ADGRV1: variants seen among roughly 807,000 people sequenced by gnomAD.
ADGRV1 encodes the protein G-protein coupled receptor 98.
In ADGRV1, 359 loss-of-function variants were observed where a neutral mutation model predicts 596.2. The observed-to-expected ratio is 0.60, with a 90% CI of 0.55 to 0.66. The LOEUF (loss-of-function observed/expected upper bound fraction) is 0.66, where lower values mean the gene tolerates loss of function less well. Among genes scored for constraint, ADGRV1 ranks in the 30% least tolerant of loss-of-function variants. The pLI, the probability that ADGRV1 is intolerant of heterozygous loss-of-function variation, is 0.00. For synonymous variants in ADGRV1, 2,681 were observed against 2,679.2 expected, an observed-to-expected ratio of 1.00 and a Z score of -0.02; for missense variants, 7,274 against 7,575.6, an observed-to-expected ratio of 0.96 and a Z score of 1.48.
chr5:91,018,243 G>A (rs1312905169), intron 85 of ADGRV1, among the ~76,000 whole-genome samples: 2 of 151,924 alleles, frequency 1.3e-5, no homozygotes, highest in Non-Finnish European at 2.9e-5. Flanking sequence ...TTCCTAGACT[G>A]CAATTCTCCC....
chr5:90,941,247 CTAAA>C (rs1304878152), intron 83 of ADGRV1, among the ~76,000 whole-genome samples: 2 of 151,924 alleles, frequency 1.3e-5, no homozygotes, highest in Non-Finnish European at 2.9e-5. Context: ...TCCATTTGCT[CTAAA>C]TAAATAGAGA....
At chr5:90,756,715 T>C in intron 56 of ADGRV1, 85 bp downstream of exon 56, 6 of 1,135,686 alleles carry the variant, frequency 5.3e-6, no homozygotes, top group Non-Finnish European at 7.4e-6. Context: ...GCTTTGCCTG[T>C]ATTTATTTTT....
intron 1 of ADGRV1, among the ~76,000 whole-genome samples, chr5:90,563,553 A>C (rs1469170798): frequency 1.3e-5 from 2 of 152,220 alleles, no homozygotes; most frequent in Admixed American, 6.5e-5. Flanking sequence ...ATAAAATGCA[A>C]CTCCAAAAAG....
At chr5:90,853,140 A>G (rs1268062517) in intron 79 of ADGRV1, 144 bp from the exon 80 acceptor site, 1 of 727,088 alleles carries the variant, frequency 1.4e-6, no homozygotes, top group Non-Finnish European at 2.1e-6. Flanking sequence ...CTGAAGGCAC[A>G]TTCTATTTAC....
chr5:90,564,424 T>C (rs1467373103), intron 1 of ADGRV1, among the ~76,000 whole-genome samples: 3 of 152,028 alleles, frequency 2.0e-5, no homozygotes, highest in Admixed American at 2.0e-4. Flanking sequence ...TAGCTTAGAT[T>C]AAAGGTGCAG....
At chr5:90,596,249 G>A (rs1298577536) in intron 1 of ADGRV1, among the ~76,000 whole-genome samples, 7 of 150,602 alleles carry the variant, frequency 4.6e-5, no homozygotes, top group Non-Finnish European at 7.4e-5. Flanking sequence ...GGGAAGAGGC[G>A]CTCCTCACTT....
chr5:90,790,829 T>TATA (rs1483827719), intron 69 of ADGRV1, 44 bp from the exon 70 acceptor site: 1 of 1,288,148 alleles, frequency 7.8e-7, no homozygotes, highest in Non-Finnish European at 1.1e-6. Context: ...TGGTGCAATA[T>TATA]ACTGAATTAT....
At chr5:91,071,661 T>C (rs373458928) in intron 85 of ADGRV1, among the ~76,000 whole-genome samples, 3 of 152,042 alleles carry the variant, frequency 2.0e-5, no homozygotes, top group African/African-American at 7.2e-5. Flanking sequence ...CCTTATTTTA[T>C]TTATTTATTT....
chr5:91,156,521 G>A (rs1307788395), intron 89 of ADGRV1, among the ~76,000 whole-genome samples: 3 of 152,140 alleles, frequency 2.0e-5, no homozygotes, highest in African/African-American at 4.8e-5. Context: ...ATCAGTTGTT[G>A]AAGTTATGAC....
intron 85 of ADGRV1, among the ~76,000 whole-genome samples, chr5:91,035,844 GTATATATATATATATATTATATA>G: frequency 2.9e-5 from 1 of 34,770 alleles, no homozygotes; most frequent in Non-Finnish European, 8.8e-5. Flanking sequence ...AAATGAGTGT[GTATATATATATATATATTATATA>G]TATATATATA....
chr5:90,828,016 C>T (rs1764205866), intron 76 of ADGRV1, among the ~76,000 whole-genome samples: 1 of 152,092 alleles, frequency 6.6e-6, no homozygotes, highest in Non-Finnish European at 1.5e-5. Context: ...TGAGTTATGC[C>T]AGATGGGTAA....
intron 83 of ADGRV1, among the ~76,000 whole-genome samples, chr5:90,963,746 C>T (rs769790721): frequency 3.3e-5 from 5 of 150,722 alleles, no homozygotes; most frequent in Non-Finnish European, 5.9e-5. Context: ...GAAAATGACT[C>T]GTTCACTGTC....
chr5:90,687,657 C>T (rs1018462913), intron 29 of ADGRV1, among the ~76,000 whole-genome samples: 1 of 152,126 alleles, frequency 6.6e-6, no homozygotes. Context: ...ATCCCATTGT[C>T]TCAGCGCAAA....
chr5:91,075,636 A>G (rs1247951102), intron 86 of ADGRV1, among the ~76,000 whole-genome samples: 2 of 152,150 alleles, frequency 1.3e-5, no homozygotes, highest in East Asian at 3.8e-4. Flanking sequence ...TCCCATGGCA[A>G]TTTATTCTAA....
At chr5:90,753,474 TAA>T (rs912870635) in intron 53 of ADGRV1, 98 bp from the exon 54 acceptor site, 1 of 790,070 alleles carries the variant, frequency 1.3e-6, no homozygotes, top group African/African-American at 1.8e-5. Context: ...TCTTGCTATT[TAA>T]GTTATAGGTT....
intron 59 of ADGRV1, among the ~76,000 whole-genome samples, chr5:90,773,321 A>G (rs940634150): frequency 6.6e-6 from 1 of 152,150 alleles, no homozygotes; most frequent in Non-Finnish European, 1.5e-5. Flanking sequence ...ATGGGCTAAT[A>G]AATGGGTCAA....
chr5:90,872,423 TTGTGTGTGTGTGTGTG>T (rs55743704), intron 83 of ADGRV1, among the ~76,000 whole-genome samples: 73,650 of 147,364 alleles, frequency 0.5, 18,868 homozygotes, highest in East Asian at 0.74. Flanking sequence ...TGGTATGAGC[TTGTGTGTGTGTGTGTG>T]TGTGTGTGTG....
In ADGRV1 at chr5:90,627,621, G is replaced by A. The variant is rs1404092907; in HGVS notation, c.1083G>A (p.Met361Ile). 3 of 1,613,798 alleles carry A rather than the reference G, an allele frequency of 1.9e-6. No homozygotes were observed. The South Asian group carries it at 3.3e-5, about 18-fold the overall frequency. The change falls in exon 7 of 90, where the codon ATG (methionine) becomes ATA (isoleucine). Residue 361 changes from methionine to isoleucine, a missense_variant. Coordinates refer to ENST00000405460, the MANE Select transcript of ADGRV1 (RefSeq NM_032119.4). ...AGATTGCTGAATCGTTTCACATTAT[G>A]TTACTAAAAGATACCTTACAGGGAG... is the stretch of plus-strand genomic sequence containing the variant. ...IPEIAESFHI[M>I]LLKDTLQGDA...
At chr5:90,583,641 T>C (rs1218546891) in intron 1 of ADGRV1, among the ~76,000 whole-genome samples, 2 of 152,178 alleles carry the variant, frequency 1.3e-5, no homozygotes, top group Non-Finnish European at 2.9e-5. Context: ...TGAGGTATCA[T>C]GATAGCCACA....
Sources: gnomAD v4.1 joint callset for allele counts (sites outside exome capture counted in the v4.1 genomes callset) on GRCh38, gnomAD v4.1.1 for gene constraint, MANE v1.5 for transcripts, NCBI Gene and HGNC (gene_info 2026-07-23, HGNC 2026-07-21) for gene names.